Variants in DSCAML1 observed in about 807,000 individuals in gnomAD.
DSCAML1 encodes the protein cell adhesion molecule DSCAML1.
DSCAML1 carries 38 observed loss-of-function variants against 200.5 expected under a neutral mutation model. The observed-to-expected ratio is 0.19, with a 90% CI of 0.15 to 0.25. The LOEUF is 0.25. Among genes scored for constraint, DSCAML1 ranks in the 10% least tolerant of loss-of-function variants. The pLI is 1.00. For missense variants in DSCAML1, 2,223 were observed against 2,858.8 expected, an observed-to-expected ratio of 0.78 and a Z score of 5.07; for synonymous variants, 1,215 against 1,165.0, an observed-to-expected ratio of 1.04 and a Z score of -0.87.
chr11:117,667,738 G>A (rs581580), intron 3 of DSCAML1, among the ~76,000 whole-genome samples: 93,400 of 152,054 alleles, frequency 0.61, 29,078 homozygotes, highest in East Asian at 0.89. Context: ...GTTGATTATA[G>A]CACCCAGAAA....
chr11:117,431,512 G>A lies in DSCAML1; in HGVS notation c.5374+22C>T, dbSNP rs1395998333. Reference sequence around the variant, plus strand: ...GGAACTGGGGGGAGGTGTTCAGGATGCCAGCAGGGCCTTAGGCACACCTGT... The same window carrying A: ...GGAACTGGGGGGAGGTGTTCAGGATACCAGCAGGGCCTTAGGCACACCTGT... On this transcript the variant is annotated intron_variant, in intron 31 of 32. Transcript: ENST00000651296. 17 of 1,519,868 alleles carry A rather than the reference G, an allele frequency of 1.1e-5. No homozygotes were observed. In the South Asian group the frequency reaches 2.2e-4, roughly 20 times the overall value. 94.1% of individuals were successfully genotyped at this position (1,519,868 alleles called of 1,614,324 possible).
chr11:117,538,244 C>G (rs1177182713), intron 3 of DSCAML1, among the ~76,000 whole-genome samples: 1 of 152,200 alleles, frequency 6.6e-6, no homozygotes, highest in Non-Finnish European at 1.5e-5. Flanking sequence ...AATTTGATGT[C>G]TCCATGATCC....
At chr11:117,575,862 CAAAA>C (rs1211361131) in intron 3 of DSCAML1, among the ~76,000 whole-genome samples, 1 of 150,080 alleles carries the variant, frequency 6.7e-6, no homozygotes, top group African/African-American at 2.4e-5. Flanking sequence ...CAAAACAAAA[CAAAA>C]CAAAACAAAA....
intron 3 of DSCAML1, among the ~76,000 whole-genome samples, chr11:117,599,436 T>C (rs1165669320): frequency 6.6e-6 from 1 of 152,112 alleles, no homozygotes. Flanking sequence ...TTCGAAATCT[T>C]CTAATGTTGG....
At chr11:117,649,039 ATATGTGTGTGTGTGTGTGTGTGTGTGTG>A (rs1464349285) in intron 3 of DSCAML1, among the ~76,000 whole-genome samples, 1 of 131,454 alleles carries the variant, frequency 7.6e-6, no homozygotes, top group African/African-American at 3.2e-5. Flanking sequence ...CTCTCCATAT[ATATGTGTGTGTGTGTGTGTGTGTGTGTG>A]TGTGTGTGTG....
chr11:117,637,572 C>T (rs2052318240), intron 3 of DSCAML1, among the ~76,000 whole-genome samples: 1 of 152,160 alleles, frequency 6.6e-6, no homozygotes. Context: ...GTCTCAAACT[C>T]CTGACCTGGT....
chr11:117,456,932 C>T (rs9666820), intron 19 of DSCAML1, among the ~76,000 whole-genome samples: 83,470 of 152,040 alleles, frequency 0.55, 23,114 homozygotes, highest in African/African-American at 0.6. Flanking sequence ...ACCTCGGCAT[C>T]CCAAAGTGCT....
At chr11:117,502,340 C>G (rs6589612) in intron 11 of DSCAML1, among the ~76,000 whole-genome samples, 67,364 of 152,090 alleles carry the variant, frequency 0.44, 15,062 homozygotes, top group South Asian at 0.58. Context: ...AGAACAACAA[C>G]AGCGAAAAAG....
chr11:117,626,214 T>A (rs61903801), intron 3 of DSCAML1, among the ~76,000 whole-genome samples: 1 of 89,188 alleles, frequency 1.1e-5, no homozygotes, highest in South Asian at 4.1e-4. Flanking sequence ...CCCCCCTCCT[T>A]CTTCTGGCAT....
intron 2 of DSCAML1, among the ~76,000 whole-genome samples, chr11:117,778,632 T>C (rs1415546177): frequency 2.0e-5 from 3 of 152,266 alleles, no homozygotes; most frequent in Non-Finnish European, 2.9e-5. Context: ...TATGTGCCCT[T>C]GGGCAAGTGA....
chr11:117,496,845 C>A (rs1266108525), intron 11 of DSCAML1, among the ~76,000 whole-genome samples: 1 of 152,178 alleles, frequency 6.6e-6, no homozygotes, highest in Non-Finnish European at 1.5e-5. Flanking sequence ...GTCAGGGGAC[C>A]AGGGCGAGGA....
chr11:117,585,515 G>A (rs2051124011), intron 3 of DSCAML1, among the ~76,000 whole-genome samples: 1 of 152,112 alleles, frequency 6.6e-6, no homozygotes, highest in African/African-American at 2.4e-5. Flanking sequence ...CGAAGTGCTG[G>A]GATTACAGGT....
intron 3 of DSCAML1, among the ~76,000 whole-genome samples, chr11:117,537,874 C>T (rs1228918983): frequency 1.3e-5 from 2 of 152,188 alleles, no homozygotes; most frequent in Non-Finnish European, 2.9e-5. Context: ...CTGGCCCTGC[C>T]AGCACCTCCA....
chr11:117,670,021 C>A (rs1427302727), intron 3 of DSCAML1, among the ~76,000 whole-genome samples: 4 of 152,232 alleles, frequency 2.6e-5, no homozygotes, highest in African/African-American at 9.6e-5. Flanking sequence ...TTTCTGGCTC[C>A]TAAGTTTTCA....
intron 3 of DSCAML1, among the ~76,000 whole-genome samples, chr11:117,714,203 C>T (rs1219963840): frequency 6.6e-6 from 1 of 152,106 alleles, no homozygotes; most frequent in African/African-American, 2.4e-5. Context: ...TTATTTTGGC[C>T]TTACTGTTAT....
intron 11 of DSCAML1, among the ~76,000 whole-genome samples, chr11:117,486,660 G>A (rs1449946180): frequency 2.0e-5 from 3 of 152,126 alleles, no homozygotes; most frequent in African/African-American, 7.2e-5. Context: ...ACTCCTACAA[G>A]TTCAGAAAAT....
intron 8 of DSCAML1, among the ~76,000 whole-genome samples, chr11:117,513,006 A>C (rs2137296663): frequency 6.6e-6 from 1 of 152,204 alleles, no homozygotes; most frequent in Non-Finnish European, 1.5e-5. Context: ...GGCCCGCTGC[A>C]CCCGTTATTA....
intron 3 of DSCAML1, among the ~76,000 whole-genome samples, chr11:117,542,050 C>T (rs1437830225): frequency 6.6e-6 from 1 of 152,174 alleles, no homozygotes; most frequent in East Asian, 1.9e-4. Context: ...TGGCTCATGC[C>T]TGTAATCCCA....
intron 3 of DSCAML1, among the ~76,000 whole-genome samples, chr11:117,564,298 G>A (rs1387535576): frequency 1.3e-5 from 2 of 152,132 alleles, no homozygotes; most frequent in Non-Finnish European, 2.9e-5. Flanking sequence ...TTCCGAGATG[G>A]AATCCATTTC....
Sources: gnomAD v4.1 joint callset for allele counts (sites outside exome capture counted in the v4.1 genomes callset) on GRCh38, gnomAD v4.1.1 for gene constraint, MANE v1.5 for transcripts, NCBI Gene and HGNC (gene_info 2026-07-23, HGNC 2026-07-21) for gene names.